The following ZFP1 variants were observed in gnomAD, a reference collection of about 807,000 sequenced individuals.
The protein encoded by ZFP1 is ZFP1 zinc finger protein.
Under a neutral mutation model 38.5 loss-of-function variants are expected in ZFP1, and 32 were observed. The ratio of observed to expected loss-of-function variants is 0.83; its 90% confidence interval spans 0.63 to 1.12. The LOEUF (loss-of-function observed/expected upper bound fraction) is 1.12. ZFP1 is among the 50% of genes most tolerant of loss of function. ZFP1 has a pLI of 0.00. For missense variants in ZFP1, 616 were observed against 480.8 expected (o/e 1.28, Z -2.63); for synonymous variants, 245 against 168.8 (o/e 1.45, Z -3.50).
chr16:75,140,782 A>AC, the ZFP1 span, among the ~76,000 whole-genome samples: 1 of 151,998 alleles, frequency 6.6e-6, no homozygotes, highest in Non-Finnish European at 1.5e-5. Context: ...ACGCGGTGAA[A>AC]CCCCGTCTCT....
chr16:75,146,861 G>T (rs7188471), upstream of ZFP1, among the ~76,000 whole-genome samples: 80,356 of 149,142 alleles, frequency 0.54, 22,154 homozygotes, highest in East Asian at 0.71. Flanking sequence ...GGTCACTTGA[G>T]CCCAGGAAGT....
intron 2 of ZFP1, among the ~76,000 whole-genome samples, chr16:75,154,930 T>A (rs2037398416): frequency 6.6e-6 from 1 of 152,094 alleles, no homozygotes; most frequent in Admixed American, 6.6e-5. Context: ...CCCGAGTAGC[T>A]GGGATTACAG....
chr16:75,124,863 GTT>G, the ZFP1 span, among the ~76,000 whole-genome samples: 1 of 127,634 alleles, frequency 7.8e-6, no homozygotes. Context: ...AAATAAAGAG[GTT>G]TTTTTTTTTT....
At chr16:75,142,665 T>C in the ZFP1 span, among the ~76,000 whole-genome samples, 1 of 152,212 alleles carries the variant, frequency 6.6e-6, no homozygotes, top group Non-Finnish European at 1.5e-5. Context: ...ATGCCTCATA[T>C]TGCAATTCTT....
upstream of ZFP1, among the ~76,000 whole-genome samples, chr16:75,147,018 A>G (rs1466685902): frequency 6.6e-6 from 1 of 152,070 alleles, no homozygotes; most frequent in Admixed American, 6.6e-5. Context: ...TACTAAATGA[A>G]AGAAGCCAAT....
At chr16:75,161,945 C>G (rs1417532178) in intron 2 of ZFP1, among the ~76,000 whole-genome samples, 6 of 148,188 alleles carry the variant, frequency 4.0e-5, no homozygotes, top group African/African-American at 1.5e-4. Flanking sequence ...CTACTGTGCC[C>G]GGCTAATTTT....
chr16:75,136,547 C>G, the ZFP1 span, among the ~76,000 whole-genome samples: 1 of 152,144 alleles, frequency 6.6e-6, no homozygotes, highest in South Asian at 2.1e-4. Flanking sequence ...TAACTTAATA[C>G]AGATACAGTT....
chr16:75,171,668 A>G lies in ZFP1; in HGVS notation c.*1334A>G, dbSNP rs1275678306. On this transcript the variant is annotated 3_prime_UTR_variant, in exon 4 of 4. Coordinates refer to ENST00000570010, the MANE Select transcript of ZFP1 (RefSeq NM_153688.4). The stretch of plus-strand genomic sequence containing the variant: ...AATCACAAATCATGTATTGGAAATT[A>G]TAAATGGCAACCAAAAACTGGCTTT... The G allele has an allele frequency of 2.0e-5, 3 of 152,256 alleles. No homozygotes were observed. The highest frequency in any genetic ancestry group is 7.2e-5 in the African/African-American group (3 of 41,476). 9.4% of individuals were successfully genotyped at this position (152,256 alleles called of 1,614,324 possible). A position where few individuals can be genotyped will look rare whatever the true frequency, so the allele number is the denominator to read the frequency against.
the ZFP1 span, among the ~76,000 whole-genome samples, chr16:75,135,787 G>C: frequency 6.6e-6 from 1 of 152,128 alleles, no homozygotes; most frequent in Non-Finnish European, 1.5e-5. Flanking sequence ...ATACAGACAA[G>C]TTTTTATCTT....
intron 2 of ZFP1, among the ~76,000 whole-genome samples, chr16:75,156,008 A>AT (rs1234495067): frequency 6.6e-6 from 1 of 152,072 alleles, no homozygotes; most frequent in Non-Finnish European, 1.5e-5. Flanking sequence ...GTTATCATTT[A>AT]TTTTTTAAAT....
At chr16:75,123,604 A>G in the ZFP1 span, among the ~76,000 whole-genome samples, 1 of 149,536 alleles carries the variant, frequency 6.7e-6, no homozygotes, top group Non-Finnish European at 1.5e-5. Flanking sequence ...CAGCCTCCCA[A>G]GTAGCTGGGA....
intron 3 of ZFP1, 84 bp from the exon 4 acceptor site, chr16:75,169,169 A>G (rs879671921): frequency 7.3e-5 from 107 of 1,465,604 alleles, no homozygotes; most frequent in Admixed American, 9.5e-5. Flanking sequence ...GCCCTGTGAT[A>G]GAACACGTGT....
At chr16:75,146,043 C>T (rs183093506), upstream of ZFP1, among the ~76,000 whole-genome samples, 402 of 152,360 alleles carry the variant, frequency 2.6e-3, 2 homozygotes, top group Middle Eastern at 6.8e-3. Context: ...CTCCCCCTCC[C>T]ATAAGGGGTT....
At chr16:75,149,358 G>A (rs1458623289) in intron 1 of ZFP1, 1 of 151,978 alleles carries the variant, frequency 6.6e-6, no homozygotes, top group Admixed American at 6.6e-5. Context: ...AATTTCTCTC[G>A]GGTGGAATTT....
intron 2 of ZFP1, among the ~76,000 whole-genome samples, chr16:75,161,262 T>TTTGTG (rs1457429850): frequency 2.0e-5 from 3 of 151,748 alleles, no homozygotes; most frequent in African/African-American, 7.3e-5. Context: ...AGAAACGGGG[T>TTTGTG]TTCTCCACGT....
At position 75,169,832 on chromosome 16, in the gene ZFP1, A is replaced by C; in HGVS notation, c.722A>C (p.Glu241Ala). 1 of 1,614,170 alleles carries C rather than the reference A, an allele frequency of 6.2e-7. No homozygotes were observed. The highest frequency in any genetic ancestry group is 8.5e-7 in the Non-Finnish European group (1 of 1,180,022). ...ATTCACACTGGGGAGAAACCTTTCG[A>C]GTGTCCGGAATGTGGAAAAGCTTTC... is the stretch of plus-strand genomic sequence containing the variant. ...QRIHTGEKPF[E>A]CPECGKAFTH... is the part of the protein sequence containing the mutation. The change falls in exon 4 of 4, where the codon GAG becomes GCG. Residue 241 changes from glutamate to alanine, a missense_variant. Physicochemically the swap from Glu to Ala is moderately radical, Grantham distance 107. Coordinates refer to ENST00000570010, the MANE Select transcript of ZFP1 (RefSeq NM_153688.4).
chr16:75,127,913 TTCTC>T, the ZFP1 span: 1 of 152,392 alleles, frequency 6.6e-6, no homozygotes, highest in South Asian at 2.1e-4. Flanking sequence ...GCATATTTGT[TTCTC>T]TCTACCTGAT....
At chr16:75,147,798 G>A (rs1263551800), upstream of ZFP1, among the ~76,000 whole-genome samples, 4 of 152,188 alleles carry the variant, frequency 2.6e-5, no homozygotes, top group Admixed American at 6.6e-5. Flanking sequence ...TGGTGGTCAA[G>A]GGGTACAAAG....
At chr16:75,147,072 G>T (rs11860290), upstream of ZFP1, among the ~76,000 whole-genome samples, 1 of 151,746 alleles carries the variant, frequency 6.6e-6, no homozygotes, top group Non-Finnish European at 1.5e-5. Context: ...ATGACAACCT[G>T]CAAAAGGCAA....
Sources: allele counts gnomAD v4.1 joint callset (sites outside exome capture counted in the v4.1 genomes callset), GRCh38; gene constraint gnomAD v4.1.1; transcripts MANE v1.5; gene names NCBI Gene and HGNC (gene_info 2026-07-23, HGNC 2026-07-21).